AGBL1: variants seen among roughly 807,000 people sequenced by gnomAD.
The protein encoded by AGBL1 is AGBL carboxypeptidase 1, also known as cytosolic carboxypeptidase 4.
AGBL1 carries 130 observed loss-of-function variants against 118.9 expected under a neutral mutation model. That is an observed-to-expected ratio of 1.09 (90% confidence interval 0.95 to 1.26). The LOEUF is 1.26. AGBL1 is among the 50% of genes most tolerant of loss of function. The pLI is 0.00. For missense variants in AGBL1, 1,584 were observed against 1,298.1 expected, an observed-to-expected ratio of 1.22 and a Z score of -3.38; for synonymous variants, 555 against 478.9, an observed-to-expected ratio of 1.16 and a Z score of -2.08.
intron 18 of AGBL1, among the ~76,000 whole-genome samples, chr15:86,479,220 A>C (rs993697421): frequency 6.6e-6 from 1 of 152,208 alleles, no homozygotes; most frequent in African/African-American, 2.4e-5. Context: ...ACAAAAGCCA[A>C]AATTGACAAA....
intron 5 of AGBL1, among the ~76,000 whole-genome samples, chr15:86,161,490 A>G (rs1414263229): frequency 2.6e-5 from 4 of 152,244 alleles, no homozygotes; most frequent in Non-Finnish European, 5.9e-5. Flanking sequence ...TGTCTGATAC[A>G]TGAGCCTCAG....
chr15:86,642,949 G>T (rs897240180), intron 21 of AGBL1, among the ~76,000 whole-genome samples: 6 of 152,122 alleles, frequency 3.9e-5, no homozygotes, highest in African/African-American at 1.4e-4. Flanking sequence ...ATACCAGGAT[G>T]GTAAATAGGT....
intron 18 of AGBL1, among the ~76,000 whole-genome samples, chr15:86,489,882 C>T (rs2082758204): frequency 6.6e-6 from 1 of 152,092 alleles, no homozygotes; most frequent in African/African-American, 2.4e-5. Flanking sequence ...TGAAACTCTT[C>T]TTGATAGCTG....
At chr15:86,552,737 C>A (rs189271713) in intron 20 of AGBL1, among the ~76,000 whole-genome samples, 90 of 151,956 alleles carry the variant, frequency 5.9e-4, no homozygotes, top group African/African-American at 2.1e-3. Flanking sequence ...TTTGAAGGAA[C>A]AAATAGATGG....
rs114295620 is a variant in AGBL1, at chr15:86,314,367, A to G, written c.2374+18959A>G. Among the ~76,000 whole-genome samples, 661 of 152,260 alleles carry G rather than the reference A, an allele frequency of 4.3e-3. 7 individuals carry two copies. The highest frequency in any genetic ancestry group is 0.015 in the African/African-American group (619 of 41,548). The stretch of plus-strand genomic sequence containing the variant: ...TTCCTTTAGAGTGCCAGCCTGGTCT[A>G]TGCTGGGGGAGTCAAGACAGGAGCT... On this transcript the variant is annotated intron_variant, in intron 17 of 22. Coordinates refer to ENST00000614907, the MANE Select transcript of AGBL1 (RefSeq NM_001386094.1).
chr15:86,395,876 T>G (rs1044324002), intron 17 of AGBL1, among the ~76,000 whole-genome samples: 2 of 152,104 alleles, frequency 1.3e-5, no homozygotes, highest in African/African-American at 4.8e-5. Context: ...TCTTTAGCTC[T>G]GTTATCAAAA....
chr15:86,788,923 T>G (rs1385433516), intron 22 of AGBL1, among the ~76,000 whole-genome samples: 6 of 152,148 alleles, frequency 3.9e-5, no homozygotes, highest in Admixed American at 3.9e-4. Flanking sequence ...GGTTCACAGA[T>G]AAGCACAAAT....
At chr15:86,389,201 G>A (rs1041532487) in intron 17 of AGBL1, among the ~76,000 whole-genome samples, 7 of 151,968 alleles carry the variant, frequency 4.6e-5, no homozygotes, top group African/African-American at 1.5e-4. Flanking sequence ...TGGAAATTTC[G>A]ATAAAAGTTT....
At position 86,248,481 on chromosome 15, in the gene AGBL1, C is replaced by T. The variant is rs111940207; in HGVS notation, c.735+602C>T. Among the ~76,000 whole-genome samples, 139 of 152,324 alleles carry T rather than the reference C, an allele frequency of 9.1e-4. 1 individual carries two copies. The highest frequency in any genetic ancestry group is 3.3e-3 in the African/African-American group (136 of 41,576). ...TGGATTCAAATCCTAGCTCTAGGGC[C>T]TACAGCTGTGTAACTTTGAAGAAGT... On this transcript the variant is annotated intron_variant, in intron 7 of 22. Coordinates refer to ENST00000614907, the MANE Select transcript of AGBL1 (RefSeq NM_001386094.1).
At chr15:86,528,243 G>T (rs1471026619) in intron 19 of AGBL1, among the ~76,000 whole-genome samples, 1 of 152,190 alleles carries the variant, frequency 6.6e-6, no homozygotes, top group Non-Finnish European at 1.5e-5. Context: ...GCAGGCCAGT[G>T]GGTGCACGCA....
At chr15:86,625,709 A>T (rs576922827) in intron 21 of AGBL1, among the ~76,000 whole-genome samples, 4 of 152,270 alleles carry the variant, frequency 2.6e-5, no homozygotes, top group Admixed American at 2.0e-4. Context: ...GGTAAAGGAT[A>T]AACAGAAGAG....
At chr15:86,669,350 G>GA (rs1305748699) in intron 21 of AGBL1, among the ~76,000 whole-genome samples, 2 of 151,752 alleles carry the variant, frequency 1.3e-5, no homozygotes, top group African/African-American at 4.8e-5. Flanking sequence ...ACAAAAATAT[G>GA]AAAAAAATCA....
intron 22 of AGBL1, among the ~76,000 whole-genome samples, chr15:86,758,567 T>C (rs1404804657): frequency 6.6e-6 from 1 of 152,106 alleles, no homozygotes; most frequent in Non-Finnish European, 1.5e-5. Context: ...AGGTGCTCGA[T>C]AAGCATCTGT....
At chr15:86,652,575 G>T (rs1240938751) in intron 21 of AGBL1, among the ~76,000 whole-genome samples, 5 of 151,872 alleles carry the variant, frequency 3.3e-5, no homozygotes, top group African/African-American at 1.2e-4. Context: ...TTAAACATTT[G>T]TTTGGGTAAG....
At chr15:86,464,617 A>G (rs2082376923) in intron 18 of AGBL1, among the ~76,000 whole-genome samples, 1 of 152,220 alleles carries the variant, frequency 6.6e-6, no homozygotes, top group Admixed American at 6.5e-5. Context: ...ATGTTCCATC[A>G]ATACCTAGTT....
chr15:87,018,539 T>C lies in AGBL1; in HGVS notation c.3324-10286T>C, dbSNP rs190139810. The stretch of plus-strand genomic sequence containing the variant: ...CTTCATAAGAAAAGGAGATATAAGA[T>C]CTTCTTTGGACAAGCAAATGCTGGA... On this transcript the variant is annotated intron_variant, in intron 24 of 24. Coordinates refer to the AGBL1 transcript ENST00000441037. 3.6e-3 allele frequency among the ~76,000 whole-genome samples: 545 copies of C among 152,204 alleles called. 1 individual carries two copies. The highest frequency in any genetic ancestry group is 6.8e-3 in the Non-Finnish European group (465 of 68,002).
chr15:86,177,758 G>A (rs2077500749), intron 5 of AGBL1, among the ~76,000 whole-genome samples: 2 of 152,122 alleles, frequency 1.3e-5, no homozygotes, highest in African/African-American at 4.8e-5. Flanking sequence ...AATGAGTATA[G>A]CATATTAAAA....
intron 22 of AGBL1, among the ~76,000 whole-genome samples, chr15:86,827,751 A>G (rs895580522): frequency 3.4e-5 from 5 of 146,924 alleles, no homozygotes; most frequent in South Asian, 2.2e-4. Context: ...AAGATGTGCA[A>G]TTATGTAGGA....
chr15:86,657,942 A>C (rs2085486915), intron 21 of AGBL1, among the ~76,000 whole-genome samples: 1 of 152,088 alleles, frequency 6.6e-6, no homozygotes, highest in Non-Finnish European at 1.5e-5. Context: ...TTGAGAATAC[A>C]GAGATAAGAT....
Sources: allele counts gnomAD v4.1 joint callset (sites outside exome capture counted in the v4.1 genomes callset), GRCh38; gene constraint gnomAD v4.1.1; transcripts MANE v1.5; gene names NCBI Gene and HGNC (gene_info 2026-07-23, HGNC 2026-07-21).